Variants in P4HA1 observed in about 807,000 individuals in gnomAD.
P4HA1 encodes the protein prolyl 4-hydroxylase subunit alpha 1.
A neutral mutation model predicts 72.8 loss-of-function variants in P4HA1; 24 were observed. The observed-to-expected ratio is 0.33, with a 90% CI of 0.24 to 0.46. P4HA1 has a LOEUF of 0.46. Among genes scored for constraint, P4HA1 ranks in the 20% least tolerant of loss-of-function variants. The pLI, the probability that P4HA1 is intolerant of heterozygous loss-of-function variation, is 1.00. For synonymous variants in P4HA1, 201 were observed against 218.8 expected (o/e 0.92, Z 0.72); for missense variants, 446 against 640.6 (o/e 0.70, Z 3.28).
intron 4 of P4HA1, among the ~76,000 whole-genome samples, chr10:73,070,771 C>T (rs764768435): frequency 2.7e-4 from 41 of 152,132 alleles, no homozygotes; most frequent in Non-Finnish European, 5.1e-4. Context: ...AATATATATA[C>T]TCTCTCATAG....
intron 1 of P4HA1, among the ~76,000 whole-genome samples, chr10:73,091,108 T>C (rs1256561697): frequency 6.8e-6 from 1 of 147,974 alleles, no homozygotes; most frequent in Admixed American, 6.8e-5. Flanking sequence ...TTTGAAATCA[T>C]GTAAATTTGA....
intron 1 of P4HA1, among the ~76,000 whole-genome samples, chr10:73,096,234 C>T (rs1476560311): frequency 6.6e-6 from 1 of 152,160 alleles, no homozygotes; most frequent in Non-Finnish European, 1.5e-5. Context: ...TGGGGAGGTC[C>T]CCCCAGCTCC....
intron 7 of P4HA1, among the ~76,000 whole-genome samples, chr10:73,049,024 C>G (rs1373946382): frequency 9.9e-5 from 15 of 152,246 alleles, no homozygotes; most frequent in Non-Finnish European, 5.9e-5. Context: ...GTCCCAGCTA[C>G]TCAGGAGGCT....
At chr10:73,032,104 C>T (rs777179284) in intron 9 of P4HA1, among the ~76,000 whole-genome samples, 1 of 152,182 alleles carries the variant, frequency 6.6e-6, no homozygotes, top group Non-Finnish European at 1.5e-5. Context: ...CTTCACTTTA[C>T]TTCCTCTTCC....
At chr10:73,093,045 A>T (rs1842069866) in intron 1 of P4HA1, among the ~76,000 whole-genome samples, 1 of 151,792 alleles carries the variant, frequency 6.6e-6, no homozygotes, top group South Asian at 2.1e-4. Flanking sequence ...GCTTGAGCCC[A>T]GGAGTTCAAG....
chr10:73,053,300 T>C (rs1841060866), intron 6 of P4HA1, 51 bp downstream of exon 6: 3 of 1,547,074 alleles, frequency 1.9e-6, no homozygotes, highest in South Asian at 1.2e-5. Context: ...AAATAGAGAA[T>C]ATATATCCCT....
At chr10:73,076,289 C>T (rs1411464791) in intron 1 of P4HA1, among the ~76,000 whole-genome samples, 1 of 151,446 alleles carries the variant, frequency 6.6e-6, no homozygotes, top group African/African-American at 2.4e-5. Flanking sequence ...AACTCAAACT[C>T]CTGGGCTCAA....
chr10:73,072,265 TAGA>T (rs1841581544), intron 3 of P4HA1, 85 bp from the exon 4 acceptor site: 2 of 1,135,304 alleles, frequency 1.8e-6, no homozygotes, highest in African/African-American at 3.1e-5. Flanking sequence ...AAAAAATGAC[TAGA>T]AGTTTTTGAG....
chr10:73,009,532 A>G, intron 14 of P4HA1: 1 of 321,224 alleles, frequency 3.1e-6, no homozygotes, highest in Non-Finnish European at 6.0e-6. Context: ...TGTCTCAATC[A>G]GATTATTAAC....
At chr10:73,011,945 A>G (rs1839918411) in intron 12 of P4HA1, among the ~76,000 whole-genome samples, 1 of 152,200 alleles carries the variant, frequency 6.6e-6, no homozygotes, top group Non-Finnish European at 1.5e-5. Context: ...ATAGTAAAGA[A>G]CTAAGAACAC....
chr10:73,014,852 A>G (rs1839980997), intron 11 of P4HA1, among the ~76,000 whole-genome samples: 1 of 147,446 alleles, frequency 6.8e-6, no homozygotes, highest in Admixed American at 6.8e-5. Flanking sequence ...TTTTTGAGAC[A>G]GAGTCTTGCC....
chr10:73,093,842 CAAAAAAAAAAAAAAAAAAA>C (rs1157986784), intron 1 of P4HA1, among the ~76,000 whole-genome samples: 2 of 14,014 alleles, frequency 1.4e-4, no homozygotes, highest in African/African-American at 3.3e-4. Context: ...AACTCCATCT[CAAAAAAAAAAAAAAAAAAA>C]AAAAAAAAAA....
At chr10:73,059,649 A>G (rs1841262821) in intron 5 of P4HA1, among the ~76,000 whole-genome samples, 1 of 151,294 alleles carries the variant, frequency 6.6e-6, no homozygotes, top group African/African-American at 2.4e-5. Flanking sequence ...AGGCTGAGAC[A>G]GGAGAATGGC....
At chr10:73,038,622 CTTTTTTT>C (rs745518781) in intron 9 of P4HA1, among the ~76,000 whole-genome samples, 2 of 108,842 alleles carry the variant, frequency 1.8e-5, no homozygotes, top group Non-Finnish European at 3.6e-5. Flanking sequence ...TTTTTATTTG[CTTTTTTT>C]TTTTTTTTTT....
At chr10:73,065,472 A>G (rs1841398496) in intron 5 of P4HA1, 1 of 152,214 alleles carries the variant, frequency 6.6e-6, no homozygotes. Flanking sequence ...GCATCAATAT[A>G]AATTCACTAA....
chr10:73,038,032 G>GATC (rs1167495503), intron 9 of P4HA1, among the ~76,000 whole-genome samples: 1 of 152,086 alleles, frequency 6.6e-6, no homozygotes, highest in East Asian at 1.9e-4. Context: ...AAGGTGAGAT[G>GATC]ATCACTTGAG....
At chr10:73,067,183 G>C (rs1841443750) in intron 5 of P4HA1, among the ~76,000 whole-genome samples, 1 of 152,048 alleles carries the variant, frequency 6.6e-6, no homozygotes, top group African/African-American at 2.4e-5. Context: ...TTGTTAAATG[G>C]AATCTATCCA....
At chr10:73,095,601 G>A (rs1398968527) in intron 1 of P4HA1, among the ~76,000 whole-genome samples, 1 of 151,352 alleles carries the variant, frequency 6.6e-6, no homozygotes, top group Non-Finnish European at 1.5e-5. Flanking sequence ...CCTTCACGTA[G>A]TGGCTATTTC....
At chr10:73,079,977 A>C (rs1474953803) in intron 1 of P4HA1, among the ~76,000 whole-genome samples, 1 of 152,132 alleles carries the variant, frequency 6.6e-6, no homozygotes, top group Middle Eastern at 3.2e-3. Flanking sequence ...GGAGTTGCTA[A>C]GCTCAGAGGA....
Sources: allele counts gnomAD v4.1 joint callset (sites outside exome capture counted in the v4.1 genomes callset), GRCh38; gene constraint gnomAD v4.1.1; transcripts MANE v1.5; gene names NCBI Gene and HGNC (gene_info 2026-07-23, HGNC 2026-07-21).